Variants in PCDH15 observed in about 807,000 individuals in gnomAD.
The protein encoded by PCDH15 is protocadherin-15.
Under a neutral mutation model 178.5 loss-of-function variants are expected in PCDH15, and 129 were observed. The observed-to-expected ratio is 0.72, with a 90% confidence interval of 0.63 to 0.84. The LOEUF (loss-of-function observed/expected upper bound fraction) is 0.84. PCDH15 is among the 40% of genes least tolerant of loss of function. The probability of loss-of-function intolerance (pLI) is 0.00; values close to 1 mark genes in which losing one functional copy is unlikely to be tolerated. For missense variants in PCDH15, 2,230 were observed against 2,099.9 expected (o/e 1.06, Z -1.21); for synonymous variants, 800 against 732.0 (o/e 1.09, Z -1.50).
At chr10:54,644,877 T>A (rs1448399781) in intron 2 of PCDH15, among the ~76,000 whole-genome samples, 2 of 152,096 alleles carry the variant, frequency 1.3e-5, no homozygotes, top group African/African-American at 4.8e-5. Flanking sequence ...CTAGGCCCTT[T>A]TGCCCTTCTG....
At chr10:54,334,134 C>T (rs186729841) in intron 6 of PCDH15, among the ~76,000 whole-genome samples, 34 of 152,310 alleles carry the variant, frequency 2.2e-4, no homozygotes, top group Admixed American at 1.9e-3. Context: ...TTAATACCCA[C>T]ACGCCCCAAA....
At chr10:55,351,194 T>C (rs2131967239) in intron 2 of PCDH15, among the ~76,000 whole-genome samples, 1 of 151,686 alleles carries the variant, frequency 6.6e-6, no homozygotes, top group South Asian at 2.1e-4. Context: ...TCTGCATTCT[T>C]CCAAACTACT....
At chr10:54,532,891 G>C (rs935053139) in intron 2 of PCDH15, among the ~76,000 whole-genome samples, 6 of 152,056 alleles carry the variant, frequency 3.9e-5, no homozygotes, top group African/African-American at 1.2e-4. Flanking sequence ...GTACATGCTA[G>C]GTTCATTGGC....
chr10:55,438,046 G>T (rs746217930), intron 2 of PCDH15, among the ~76,000 whole-genome samples: 5 of 151,734 alleles, frequency 3.3e-5, no homozygotes, highest in Non-Finnish European at 7.4e-5. Flanking sequence ...TGTTGGTCAG[G>T]CTGGTCTCAA....
At chr10:54,170,278 C>T (rs1032737861) in intron 13 of PCDH15, among the ~76,000 whole-genome samples, 1 of 151,100 alleles carries the variant, frequency 6.6e-6, no homozygotes, top group Non-Finnish European at 1.5e-5. Context: ...AACAACAACT[C>T]CTTTCTTTCC....
At position 54,281,601 on chromosome 10, in the gene PCDH15, A is replaced by G. The variant is rs542952460; in HGVS notation, c.876+35670T>C. Among the ~76,000 whole-genome samples the G allele has an allele frequency of 5.0e-4, 76 of 152,202 alleles. 1 individual carries two copies. Among genetic ancestry groups the G allele is most frequent in the African/African-American group, 1.7e-3 (69 of 41,564 alleles). On this transcript the variant is annotated intron_variant, in intron 8 of 37. Transcript: ENST00000644397. The stretch of plus-strand genomic sequence containing the variant: ...TCATTACTAAATGTGTTTAGGGTAT[A>G]CAATGGAAGCAGAGTCTGCTGCTAG...
At chr10:54,613,633 T>C (rs1242381617) in intron 2 of PCDH15, among the ~76,000 whole-genome samples, 1 of 151,740 alleles carries the variant, frequency 6.6e-6, no homozygotes, top group Non-Finnish European at 1.5e-5. Flanking sequence ...CATAATGATT[T>C]TTTGAACAAT....
intron 1 of PCDH15, among the ~76,000 whole-genome samples, chr10:55,177,546 T>C (rs1839528171): frequency 6.6e-6 from 1 of 152,142 alleles, no homozygotes; most frequent in Non-Finnish European, 1.5e-5. Context: ...AGTGGTAACT[T>C]TGCTGGTGCC....
chr10:55,179,811 C>G (rs1839592903), intron 1 of PCDH15, among the ~76,000 whole-genome samples: 1 of 151,938 alleles, frequency 6.6e-6, no homozygotes, highest in Non-Finnish European at 1.5e-5. Flanking sequence ...CTGTAACACT[C>G]TCTCCCACTT....
chr10:55,387,839 G>A (rs1033790804), intron 2 of PCDH15, among the ~76,000 whole-genome samples: 3 of 152,022 alleles, frequency 2.0e-5, no homozygotes, highest in South Asian at 2.1e-4. Context: ...AGAACACACC[G>A]TGGTATTTTT....
intron 28 of PCDH15, among the ~76,000 whole-genome samples, chr10:53,849,516 A>C (rs989491830): frequency 3.3e-5 from 5 of 152,294 alleles, no homozygotes; most frequent in African/African-American, 1.2e-4. Flanking sequence ...TAAGAAAAAA[A>C]GTAAAACCTA....
Position 53,829,509 on chromosome 10 carries a change from G to A in PCDH15, c.4203-936C>T, listed in dbSNP as rs184055689. Among the ~76,000 whole-genome samples, 1,059 of 152,156 alleles carry A rather than the reference G, an allele frequency of 7.0e-3. 11 individuals carry two copies. The highest frequency in any genetic ancestry group is 0.024 in the African/African-American group (990 of 41,490). On this transcript the variant is annotated intron_variant, in intron 30 of 37. Transcript: ENST00000644397. The stretch of plus-strand genomic sequence containing the variant: ...AGTGTAAAAAGATAACTGGTAATAC[G>A]GAATGGATTTAACATTATAATTAAT...
Position 53,806,603 on chromosome 10 carries a change from G to A in PCDH15, c.5199C>T (p.Leu1733=). 6.2e-7 allele frequency: 1 copy of A among 1,613,258 alleles called. No homozygotes were observed. Among genetic ancestry groups the A allele is most frequent in the Non-Finnish European group, 8.5e-7 (1 of 1,179,506 alleles). ...EELWMGPWNN[L]HIPMTKL ...GTCACAGTTTTGTCATTGGTATATG[G>A]AGGTTGTTCCAGGGGCCCATCCAAA... Residue 1733 remains leucine, a synonymous_variant, in exon 38 of 38, where the codon CTC becomes CTT. Transcript: ENST00000644397.
intron 2 of PCDH15, among the ~76,000 whole-genome samples, chr10:55,544,172 A>T: frequency 7.1e-6 from 1 of 141,504 alleles, no homozygotes; most frequent in Admixed American, 7.2e-5. Flanking sequence ...ATATATATAT[A>T]TATTATACTG....
intron 3 of PCDH15, among the ~76,000 whole-genome samples, chr10:54,865,409 C>G (rs1953921749): frequency 6.6e-6 from 1 of 152,184 alleles, no homozygotes; most frequent in Non-Finnish European, 1.5e-5. Flanking sequence ...GCTGTGCTGA[C>G]AGCTTTTGTA....
chr10:54,464,756 C>T (rs1589552854), intron 3 of PCDH15, among the ~76,000 whole-genome samples: 1 of 152,080 alleles, frequency 6.6e-6, no homozygotes, highest in African/African-American at 2.4e-5. Context: ...ACCTTATTTC[C>T]AAGGTTGAGT....
At chr10:53,842,248 A>G (rs550167911) in intron 28 of PCDH15, among the ~76,000 whole-genome samples, 1 of 152,152 alleles carries the variant, frequency 6.6e-6, no homozygotes, top group African/African-American at 2.4e-5. Flanking sequence ...AAGCTCTCAA[A>G]GTCTCAGGTT....
chr10:54,107,030 TCTTTCTC>T lies in PCDH15; in HGVS notation c.1918-16974_1918-16968del, dbSNP rs571391358. Reference sequence around the variant, plus strand: ...TTGCCTATCTTCCTTCCTTCTTCCTTCTTTCTCATCTATCTCAGCTGTCTATCTCCTA... The same window carrying T: ...TTGCCTATCTTCCTTCCTTCTTCCTTATCTATCTCAGCTGTCTATCTCCTA... On this transcript the variant is annotated intron_variant, in intron 15 of 37. Transcript: ENST00000644397. Among the ~76,000 whole-genome samples the T allele has an allele frequency of 8.4e-4, 128 of 152,304 alleles. 5 individuals are homozygous for T. In the South Asian group the frequency reaches 0.024, roughly 29 times the overall value.
intron 13 of PCDH15, among the ~76,000 whole-genome samples, chr10:54,180,331 G>T (rs1183059224): frequency 6.6e-6 from 1 of 152,140 alleles, no homozygotes; most frequent in African/African-American, 2.4e-5. Flanking sequence ...CAACTCATTT[G>T]CTCCTTGCAG....
Sources: gnomAD v4.1 joint callset for allele counts (sites outside exome capture counted in the v4.1 genomes callset) on GRCh38, gnomAD v4.1.1 for gene constraint, MANE v1.5 for transcripts, NCBI Gene and HGNC (gene_info 2026-07-23, HGNC 2026-07-21) for gene names.